SETBP1: variants seen among roughly 807,000 people sequenced by gnomAD.
The protein encoded by SETBP1 is SET binding protein 1.
SETBP1 carries 9 observed loss-of-function variants against 101.0 expected under a neutral mutation model. That is an observed-to-expected ratio of 0.09 (90% CI 0.05 to 0.16). SETBP1 has a LOEUF of 0.16. SETBP1 is among the 10% of genes least tolerant of loss of function. SETBP1 has a pLI of 1.00. For synonymous variants in SETBP1, 818 were observed against 788.5 expected (o/e 1.04, Z -0.63); for missense variants, 1,858 against 2,033.8 (o/e 0.91, Z 1.66).
chr18:44,905,332 A>C lies in SETBP1; in HGVS notation c.540+36049A>C, dbSNP rs141781979. Among the ~76,000 whole-genome samples, 620 of 152,312 alleles carry C rather than the reference A, an allele frequency of 4.1e-3. 8 individuals carry two copies. The highest frequency in any genetic ancestry group is 0.014 in the African/African-American group (593 of 41,580). ...ATGCAGTGATTGCTAAAAGCCTTTT[A>C]GAAGATGAAGCTGACTTTTTCTGGA... is the stretch of plus-strand genomic sequence containing the variant. On this transcript the variant is annotated intron_variant, in intron 3 of 5. Transcript: ENST00000649279.
rs1303482655 is a variant in SETBP1 at position 44,697,621 on chromosome 18, A to G, written c.-172-3554A>G. On this transcript the variant is annotated intron_variant, in intron 1 of 5. Transcript: ENST00000649279. ...ATGCTATAGGTAATGTCAGCATTAT[A>G]CAACTACAGTTAGGCTCAACCTGAG... Among the ~76,000 whole-genome samples the G allele has an allele frequency of 2.6e-5, 4 of 152,246 alleles. No homozygotes were observed. In the East Asian group the frequency reaches 7.7e-4, roughly 29 times the overall value.
rs941971258 is a variant in SETBP1 at position 45,067,499 on chromosome 18, T to G, written c.*3801T>G. 1 of 152,134 alleles carries G rather than the reference T, an allele frequency of 6.6e-6. No individual in the cohort carries two copies. Among genetic ancestry groups the G allele is most frequent in the African/African-American group, 2.4e-5 (1 of 41,428 alleles). The allele number at this position is 152,134 out of a possible 1,614,324, so 9.4% of individuals were successfully genotyped here. On this transcript the variant is annotated 3_prime_UTR_variant, in exon 6 of 6. Coordinates refer to ENST00000649279, the MANE Select transcript of SETBP1 (RefSeq NM_015559.3). ...GAAGCTGAAATGCCTCAAAAGCCAT[T>G]TAAGTGTTACGTTGCAGGATTTTCA... is the stretch of plus-strand genomic sequence containing the variant.
chr18:44,851,976 C>T (rs1042409308), intron 2 of SETBP1, among the ~76,000 whole-genome samples: 24 of 152,230 alleles, frequency 1.6e-4, no homozygotes, highest in African/African-American at 5.3e-4. Context: ...CGGCCTTCCA[C>T]GCCCTCCCAG....
intron 2 of SETBP1, among the ~76,000 whole-genome samples, chr18:44,839,484 C>G (rs1403805794): frequency 1.3e-5 from 2 of 152,090 alleles, no homozygotes; most frequent in Non-Finnish European, 2.9e-5. Flanking sequence ...GGACTCTCAG[C>G]TATTGTTACA....
rs1389564380 is a variant in SETBP1 at position 44,837,283 on chromosome 18, T to G, written c.487-31947T>G. ...TTCATTCTGGCTGGAGGAGGGTCAG[T>G]CAGGCTTCCTGGAGGAGGCTAGTCT... On this transcript the variant is annotated intron_variant, in intron 2 of 5. Coordinates refer to ENST00000649279, the MANE Select transcript of SETBP1 (RefSeq NM_015559.3). 3.3e-5 allele frequency among the ~76,000 whole-genome samples: 5 copies of G among 152,326 alleles called. No individual in the cohort carries two copies. The East Asian group carries it at 9.6e-4, about 29-fold the overall frequency.
At chr18:45,011,475 G>C (rs2072836368) in intron 4 of SETBP1, among the ~76,000 whole-genome samples, 1 of 152,194 alleles carries the variant, frequency 6.6e-6, no homozygotes, top group South Asian at 2.1e-4. Context: ...TGTCTCAGTG[G>C]AAATCACCAT....
chr18:44,839,279 G>A (rs1194135116), intron 2 of SETBP1, among the ~76,000 whole-genome samples: 1 of 152,196 alleles, frequency 6.6e-6, no homozygotes, highest in African/African-American at 2.4e-5. Flanking sequence ...CAGGGAAGTA[G>A]CAGACATTCT....
chr18:45,038,363 G>C (rs1170051443), intron 4 of SETBP1, 122 bp from the exon 5 acceptor site: 2 of 923,584 alleles, frequency 2.2e-6, no homozygotes, highest in Admixed American at 1.9e-5. Flanking sequence ...TTTCATTCTT[G>C]TTGTACCAGA....
At chr18:44,755,448 C>T (rs2070470571) in intron 2 of SETBP1, among the ~76,000 whole-genome samples, 1 of 151,972 alleles carries the variant, frequency 6.6e-6, no homozygotes, top group African/African-American at 2.4e-5. Flanking sequence ...ATACTCAGCT[C>T]CCTCTTGTTT....
chr18:44,910,114 G>A (rs1305381821), intron 3 of SETBP1, among the ~76,000 whole-genome samples: 1 of 152,146 alleles, frequency 6.6e-6, no homozygotes, highest in Non-Finnish European at 1.5e-5. Context: ...TGGGTTACTG[G>A]CATCATTGAC....
chr18:44,985,118 G>A (rs975765168), intron 4 of SETBP1, among the ~76,000 whole-genome samples: 6 of 152,172 alleles, frequency 3.9e-5, no homozygotes, highest in African/African-American at 7.2e-5. Flanking sequence ...TCCAGACTGG[G>A]CGACAGAGAC....
At chr18:44,995,670 AG>A in intron 4 of SETBP1, among the ~76,000 whole-genome samples, 1 of 152,110 alleles carries the variant, frequency 6.6e-6, no homozygotes, top group Admixed American at 6.5e-5. Flanking sequence ...ATGGTTCTGG[AG>A]GCTGGGAAGT....
chr18:44,894,254 T>G (rs1268630572), intron 3 of SETBP1, among the ~76,000 whole-genome samples: 3 of 152,170 alleles, frequency 2.0e-5, no homozygotes, highest in Non-Finnish European at 2.9e-5. Context: ...TCTGAGTGAA[T>G]CTTGGCAAAA....
At chr18:44,856,037 T>C (rs1469612369) in intron 2 of SETBP1, among the ~76,000 whole-genome samples, 2 of 149,684 alleles carry the variant, frequency 1.3e-5, no homozygotes, top group Non-Finnish European at 3.0e-5. Flanking sequence ...GCCTAGAAGC[T>C]GTTGCTTAAT....
intron 2 of SETBP1, among the ~76,000 whole-genome samples, chr18:44,758,240 C>A (rs1156485017): frequency 6.6e-6 from 1 of 152,106 alleles, no homozygotes. Flanking sequence ...TGAGCTTTAG[C>A]CAAATTAAGA....
At chr18:44,957,191 CA>C (rs1190550479) in intron 4 of SETBP1, among the ~76,000 whole-genome samples, 1 of 152,112 alleles carries the variant, frequency 6.6e-6, no homozygotes, top group Non-Finnish European at 1.5e-5. Context: ...ATGCATACTC[CA>C]GGGGTGACAA....
At chr18:44,687,264 G>T (rs78017113) in intron 1 of SETBP1, among the ~76,000 whole-genome samples, 2,637 of 152,278 alleles carry the variant, frequency 0.017, 71 homozygotes, top group African/African-American at 0.06. Context: ...GGTATAGAGT[G>T]TCCCTTCTAA....
At chr18:45,010,298 G>A (rs559130768) in intron 4 of SETBP1, among the ~76,000 whole-genome samples, 2 of 152,198 alleles carry the variant, frequency 1.3e-5, no homozygotes, top group African/African-American at 2.4e-5. Context: ...GTAAATTCAC[G>A]CTCTAGTAGA....
chr18:44,742,672 A>C (rs936651978), intron 2 of SETBP1, among the ~76,000 whole-genome samples: 1 of 152,150 alleles, frequency 6.6e-6, no homozygotes, highest in African/African-American at 2.4e-5. Flanking sequence ...CCAAGTACGC[A>C]TTAGCCCCAG....
Sources: allele counts gnomAD v4.1 joint callset (sites outside exome capture counted in the v4.1 genomes callset), GRCh38; gene constraint gnomAD v4.1.1; transcripts MANE v1.5; gene names NCBI Gene and HGNC (gene_info 2026-07-23, HGNC 2026-07-21).